GPC6: variants seen among roughly 807,000 people sequenced by gnomAD.
GPC6 encodes glypican 6, also known as glypican-6.
In GPC6, 14 loss-of-function variants were observed where a neutral mutation model predicts 55.2. That is an observed-to-expected ratio of 0.25 (90% CI 0.17 to 0.40). The LOEUF is 0.40. Among genes scored for constraint, GPC6 ranks in the 10% least tolerant of loss-of-function variants. The pLI is 1.00. For missense variants in GPC6, 641 were observed against 708.5 expected, an observed-to-expected ratio of 0.90 and a Z score of 1.08; for synonymous variants, 278 against 259.6, an observed-to-expected ratio of 1.07 and a Z score of -0.68.
chr13:93,322,413 CTTTTTTTTTTCTTTCTTCTT>C (rs1879480048), intron 1 of GPC6, among the ~76,000 whole-genome samples: 1 of 119,422 alleles, frequency 8.4e-6, no homozygotes, highest in Non-Finnish European at 1.8e-5. Context: ...TAAGTTAATT[CTTTTTTTTTTCTTTCTTCTT>C]TTTTTTTTTT....
chr13:94,019,695 G>T (rs539833032), intron 3 of GPC6, among the ~76,000 whole-genome samples: 2 of 152,030 alleles, frequency 1.3e-5, no homozygotes, highest in Non-Finnish European at 1.5e-5. Flanking sequence ...ATCTTATCTA[G>T]ATCCTTACTT....
At chr13:93,395,832 A>G (rs1182184659) in intron 1 of GPC6, 1 of 152,492 alleles carries the variant, frequency 6.6e-6, no homozygotes, top group South Asian at 2.1e-4. Context: ...CGACCTAGAC[A>G]TGATGGCAGG....
chr13:93,847,087 A>ATTG (rs1888207541), intron 3 of GPC6, among the ~76,000 whole-genome samples: 2 of 152,136 alleles, frequency 1.3e-5, no homozygotes, highest in South Asian at 4.1e-4. Context: ...ACTCTAACAT[A>ATTG]AGTAACATAG....
intron 4 of GPC6, among the ~76,000 whole-genome samples, chr13:94,170,703 A>G (rs1594016362): frequency 6.6e-6 from 1 of 152,180 alleles, no homozygotes; most frequent in African/African-American, 2.4e-5. Context: ...GAAAACTATC[A>G]AAGTGTTTGC....
chr13:93,438,159 A>G (rs1362950306), intron 1 of GPC6, among the ~76,000 whole-genome samples: 1 of 152,160 alleles, frequency 6.6e-6, no homozygotes, highest in Non-Finnish European at 1.5e-5. Context: ...CTGCTCATTG[A>G]CAATGCACCT....
intron 6 of GPC6, among the ~76,000 whole-genome samples, chr13:94,325,126 A>G (rs1057106218): frequency 2.0e-5 from 3 of 152,104 alleles, no homozygotes; most frequent in African/African-American, 7.2e-5. Context: ...TGTTTGGGGA[A>G]AAGAAAAGGG....
chr13:93,399,555 G>A (rs1875992966), intron 1 of GPC6, among the ~76,000 whole-genome samples: 1 of 152,246 alleles, frequency 6.6e-6, no homozygotes, highest in Admixed American at 6.5e-5. Context: ...ACGAGATGCT[G>A]AAGTGGACAG....
chr13:93,403,683 G>T (rs774183539), intron 1 of GPC6, among the ~76,000 whole-genome samples: 1 of 152,090 alleles, frequency 6.6e-6, no homozygotes, highest in Non-Finnish European at 1.5e-5. Context: ...TTATAATACA[G>T]TTCTTGGTTT....
chr13:94,024,279 A>AAG (rs1399237299), intron 3 of GPC6, among the ~76,000 whole-genome samples: 4 of 152,244 alleles, frequency 2.6e-5, no homozygotes, highest in Admixed American at 2.6e-4. Flanking sequence ...AAGGATACAC[A>AAG]GGAGTTTATT....
At chr13:94,181,616 T>C (rs1439275522) in intron 4 of GPC6, among the ~76,000 whole-genome samples, 2 of 152,240 alleles carry the variant, frequency 1.3e-5, no homozygotes, top group East Asian at 3.8e-4. Context: ...TTACTGGTGA[T>C]GCCAGGAGCA....
intron 2 of GPC6, among the ~76,000 whole-genome samples, chr13:93,732,086 C>A (rs1284169928): frequency 1.3e-5 from 2 of 152,140 alleles, no homozygotes; most frequent in Non-Finnish European, 2.9e-5. Flanking sequence ...TGTTTCCCAT[C>A]ATAGGTAGAT....
intron 2 of GPC6, among the ~76,000 whole-genome samples, chr13:93,580,758 AT>A (rs1223339525): frequency 6.6e-6 from 1 of 152,178 alleles, no homozygotes; most frequent in African/African-American, 2.4e-5. Flanking sequence ...TTTTTCCTTT[AT>A]AATTAAATGT....
chr13:94,238,944 G>A (rs1269375328), intron 4 of GPC6, among the ~76,000 whole-genome samples: 1 of 152,090 alleles, frequency 6.6e-6, no homozygotes, highest in African/African-American at 2.4e-5. Flanking sequence ...CTTAAAAGGT[G>A]GGAAAATGCC....
intron 4 of GPC6, among the ~76,000 whole-genome samples, chr13:94,061,711 C>G (rs1470049712): frequency 6.6e-6 from 1 of 151,604 alleles, no homozygotes; most frequent in Non-Finnish European, 1.5e-5. Context: ...GCCATTATCC[C>G]TCCTCTCTAA....
At chr13:93,397,955 A>G (rs914646866) in intron 1 of GPC6, among the ~76,000 whole-genome samples, 3 of 152,196 alleles carry the variant, frequency 2.0e-5, no homozygotes, top group African/African-American at 4.8e-5. Context: ...GAAAGGGATT[A>G]TATGAAACTA....
chr13:93,306,886 G>A (rs534637482), intron 1 of GPC6, among the ~76,000 whole-genome samples: 2 of 152,166 alleles, frequency 1.3e-5, no homozygotes, highest in Non-Finnish European at 2.9e-5. Context: ...AAATACGCAT[G>A]TCCCCTAGCA....
chr13:93,720,990 T>C (rs1883436792), intron 2 of GPC6, among the ~76,000 whole-genome samples: 2 of 151,992 alleles, frequency 1.3e-5, no homozygotes, highest in Admixed American at 1.3e-4. Flanking sequence ...AATTATGTGG[T>C]CAATTTTAGA....
intron 1 of GPC6, among the ~76,000 whole-genome samples, chr13:93,455,175 A>G (rs1040293083): frequency 1.3e-5 from 2 of 151,698 alleles, no homozygotes; most frequent in Non-Finnish European, 2.9e-5. Flanking sequence ...CTCCCTCCAC[A>G]CCTCCCTGCA....
chr13:94,176,960 C>T (rs756977968), intron 4 of GPC6, among the ~76,000 whole-genome samples: 5 of 152,076 alleles, frequency 3.3e-5, no homozygotes, highest in Non-Finnish European at 7.4e-5. Flanking sequence ...CTACCCTAAG[C>T]GCACAAACTA....
Sources: allele counts gnomAD v4.1 joint callset (sites outside exome capture counted in the v4.1 genomes callset), GRCh38; gene constraint gnomAD v4.1.1; transcripts MANE v1.5; gene names NCBI Gene and HGNC (gene_info 2026-07-23, HGNC 2026-07-21).